CARNMT1: variants seen among roughly 807,000 people sequenced by gnomAD.
CARNMT1 encodes the protein protein-L-histidine N-pros-methyltransferase CARNMT1.
A neutral mutation model predicts 49.6 loss-of-function variants in CARNMT1; 28 were observed. That is an observed-to-expected ratio of 0.56 (90% CI 0.42 to 0.77). CARNMT1 has a LOEUF of 0.77. Ranked by LOEUF, CARNMT1 falls within the 30% of genes least tolerant of loss-of-function variation. The pLI is 0.00. For synonymous variants in CARNMT1, 178 were observed against 175.0 expected, an observed-to-expected ratio of 1.02 and a Z score of -0.13; for missense variants, 421 against 512.6, an observed-to-expected ratio of 0.82 and a Z score of 1.73.
chr9:75,021,355 CAT>C (rs1303252631), intron 1 of CARNMT1, among the ~76,000 whole-genome samples: 1 of 143,454 alleles, frequency 7.0e-6, no homozygotes, highest in Admixed American at 7.1e-5. Flanking sequence ...CTATACATAC[CAT>C]ATATATTATA....
At position 74,981,417 on chromosome 9, in the gene CARNMT1, T is replaced by C. The variant is rs1832689763; in HGVS notation, c.*2350A>G. ...AAACTTTAAGGCTTACATACTTTAGTAGCTAGGACTAAAATTAAGAAATAC... is the reference window on the plus strand; with the variant it reads ...AAACTTTAAGGCTTACATACTTTAGCAGCTAGGACTAAAATTAAGAAATAC... On this transcript the variant is annotated 3_prime_UTR_variant, in exon 8 of 8. Transcript: ENST00000376834. 1 of 152,184 alleles carries C rather than the reference T, an allele frequency of 6.6e-6. No homozygotes were observed. The highest frequency in any genetic ancestry group is 2.1e-4 in the South Asian group (1 of 4,836). The allele number at this position is 152,184 out of a possible 1,614,324, so 9.4% of individuals were successfully genotyped here.
chr9:75,017,196 C>G, intron 2 of CARNMT1, 57 bp downstream of exon 2: 1 of 1,352,548 alleles, frequency 7.4e-7, no homozygotes, highest in Non-Finnish European at 1.0e-6. Context: ...AATAAAAGAC[C>G]TCAAAATACA....
At chr9:75,000,988 C>T (rs985483266) in intron 3 of CARNMT1, among the ~76,000 whole-genome samples, 2 of 152,150 alleles carry the variant, frequency 1.3e-5, no homozygotes, top group Non-Finnish European at 2.9e-5. Context: ...ACCTAACGCT[C>T]TCTCATTTCT....
chr9:75,025,928 T>C (rs553383775), intron 1 of CARNMT1, among the ~76,000 whole-genome samples: 3 of 152,216 alleles, frequency 2.0e-5, no homozygotes, highest in Non-Finnish European at 4.4e-5. Context: ...TAAATACTAA[T>C]TAATTTTAGC....
intron 3 of CARNMT1, among the ~76,000 whole-genome samples, chr9:75,000,413 A>T (rs1412386864): frequency 2.0e-5 from 3 of 152,194 alleles, no homozygotes; most frequent in African/African-American, 7.2e-5. Flanking sequence ...TCATGGGGAA[A>T]ATGGGAAACG....
chr9:74,999,208 G>C (rs1267102909), intron 4 of CARNMT1, among the ~76,000 whole-genome samples: 1 of 151,886 alleles, frequency 6.6e-6, no homozygotes, highest in Non-Finnish European at 1.5e-5. Context: ...AAACAAGGCA[G>C]CTACTCAATG....
At chr9:75,002,909 T>G (rs552328736) in intron 3 of CARNMT1, among the ~76,000 whole-genome samples, 1 of 152,088 alleles carries the variant, frequency 6.6e-6, no homozygotes, top group East Asian at 1.9e-4. Flanking sequence ...CTCAGCTAAT[T>G]TTTTTATTTT....
intron 3 of CARNMT1, among the ~76,000 whole-genome samples, chr9:75,015,382 T>C (rs184509347): frequency 6.6e-5 from 10 of 152,328 alleles, no homozygotes; most frequent in East Asian, 1.9e-4. Flanking sequence ...TAAAGTGATA[T>C]ATGATTTAAA....
chr9:74,995,304 T>C (rs1475491923), intron 6 of CARNMT1, among the ~76,000 whole-genome samples: 1 of 152,160 alleles, frequency 6.6e-6, no homozygotes, highest in Admixed American at 6.5e-5. Flanking sequence ...CTAAGTCTCT[T>C]CAACTATAAC....
intron 3 of CARNMT1, among the ~76,000 whole-genome samples, chr9:75,001,549 AATTACTGGCATT>A (rs1338426063): frequency 1.3e-5 from 2 of 152,220 alleles, no homozygotes; most frequent in Non-Finnish European, 2.9e-5. Flanking sequence ...TATAGATGTA[AATTACTGGCATT>A]ATGACAAAGA....
intron 6 of CARNMT1, among the ~76,000 whole-genome samples, chr9:74,991,458 T>C (rs147494779): frequency 6.6e-6 from 1 of 152,172 alleles, no homozygotes; most frequent in East Asian, 1.9e-4. Flanking sequence ...GTACGTTTTA[T>C]AGGCAGGGTA....
Position 75,016,286 on chromosome 9 carries a change from T to A in CARNMT1, c.572A>T (p.Asn191Ile), listed in dbSNP as rs747836388. 4 of 1,612,444 alleles carry A rather than the reference T, an allele frequency of 2.5e-6. No homozygotes were observed. The highest frequency in any genetic ancestry group is 1.7e-4 in the Middle Eastern group (1 of 6,052). The part of the protein sequence containing the change: ...YQPIIKEILK[N>I]FPKERWDPSK... ...TATTTACCATCTCTCTTTTGGAAAA[T>A]TTTTTAAAATTTCTTTAATGATTGG... Residue 191 changes from asparagine to isoleucine, a missense_variant, in exon 3 of 8, where the codon AAT becomes ATT. Asn to Ile is a moderately radical substitution (Grantham distance 149). Transcript: ENST00000376834.
rs375367879 is a variant in CARNMT1, at chr9:75,027,898, C to T, written c.230+114G>A. 24 of 1,206,264 alleles carry T rather than the reference C, an allele frequency of 2.0e-5. No homozygotes were observed. The African/African-American group carries it at 2.1e-4, about 11-fold the overall frequency. 74.7% of individuals were successfully genotyped at this position (1,206,264 alleles called of 1,614,324 possible). A position where few individuals can be genotyped will look rare whatever the true frequency, so the allele number is the denominator to read the frequency against. On this transcript the variant is annotated intron_variant, in intron 1 of 7. Coordinates refer to ENST00000376834, the MANE Select transcript of CARNMT1 (RefSeq NM_152420.3). Reference sequence around the variant, plus strand: ...CGGAGGTCAGCTGCAGCAGCCGGGTCCCGACGCCTCGGAGGCGTGGCGGCG... The same window carrying T: ...CGGAGGTCAGCTGCAGCAGCCGGGTTCCGACGCCTCGGAGGCGTGGCGGCG...
At chr9:74,991,357 G>A (rs2769067) in intron 6 of CARNMT1, 5,562 of 152,404 alleles carry the variant, frequency 0.036, 137 homozygotes, top group Middle Eastern at 0.07. Flanking sequence ...TGGCCAGGAT[G>A]GTCTCAATTT....
At position 75,028,119 on chromosome 9, in the gene CARNMT1, C is replaced by T. The variant is rs1822586362; in HGVS notation, c.123G>A (p.Ala41=). ...CCGCCGCCGCTGCCGCCGAAACCGC[C>T]GCGGCCGAGCCCCAACGCCCGGCGG... ...QFSAGRWGSA[A]AVSAAAAAAT... The change falls in exon 1 of 8, where the codon GCG becomes GCA. Residue 41 remains alanine (A), a synonymous_variant. Coordinates refer to ENST00000376834, the MANE Select transcript of CARNMT1 (RefSeq NM_152420.3). 6.4e-7 allele frequency: 1 copy of T among 1,558,418 alleles called. No homozygotes were observed. The highest frequency in any genetic ancestry group is 8.7e-7 in the Non-Finnish European group (1 of 1,154,758).
intron 3 of CARNMT1, among the ~76,000 whole-genome samples, chr9:75,009,581 T>C (rs779404611): frequency 1.8e-4 from 27 of 152,216 alleles, no homozygotes; most frequent in Non-Finnish European, 3.4e-4. Context: ...TATTTCTAGA[T>C]GCAAGGCTTA....
At chr9:74,984,508 A>C in intron 7 of CARNMT1, among the ~76,000 whole-genome samples, 1 of 152,238 alleles carries the variant, frequency 6.6e-6, no homozygotes. Flanking sequence ...AACGCTTCAA[A>C]ATCCAAAATG....
Position 74,985,962 on chromosome 9 carries a change from TTA to T in CARNMT1, c.1025-954_1025-953del, listed in dbSNP as rs144067330. Among the ~76,000 whole-genome samples the T allele has an allele frequency of 3.3e-4, 51 of 152,316 alleles. No individual in the cohort carries two copies. The East Asian group carries it at 8.3e-3, about 25-fold the overall frequency. On this transcript the variant is annotated intron_variant, in intron 6 of 7. Transcript: ENST00000376834. ...AAGTAAATGGCAGGTATTACACTGT[TTA>T]TATGACATCCTCCCTTTACTATTTG...
At chr9:74,997,074 G>T (rs1833209018) in intron 5 of CARNMT1, among the ~76,000 whole-genome samples, 1 of 152,120 alleles carries the variant, frequency 6.6e-6, no homozygotes, top group Non-Finnish European at 1.5e-5. Flanking sequence ...CAGAAGCAGT[G>T]GGTGGGAACC....
Sources: allele counts gnomAD v4.1 joint callset (sites outside exome capture counted in the v4.1 genomes callset), GRCh38; gene constraint gnomAD v4.1.1; transcripts MANE v1.5; gene names NCBI Gene and HGNC (gene_info 2026-07-23, HGNC 2026-07-21).